The following DTHD1 variants were observed in gnomAD, a reference collection of about 807,000 sequenced individuals.
DTHD1 encodes the protein death domain-containing protein 1.
Under a neutral mutation model 74.8 loss-of-function variants are expected in DTHD1, and 59 were observed. The ratio of observed to expected loss-of-function variants is 0.79; its 90% CI spans 0.64 to 0.98. The LOEUF is 0.98. Ranked by LOEUF, DTHD1 falls within the 50% of genes least tolerant of loss-of-function variation. The pLI is 0.00. For missense variants in DTHD1, 1,051 were observed against 1,065.4 expected, an observed-to-expected ratio of 0.99 and a Z score of 0.19; for synonymous variants, 365 against 371.1, an observed-to-expected ratio of 0.98 and a Z score of 0.19.
chr4:36,298,604 T>C (rs1157039464), intron 5 of DTHD1, among the ~76,000 whole-genome samples: 1 of 152,096 alleles, frequency 6.6e-6, no homozygotes, highest in Non-Finnish European at 1.5e-5. Context: ...CCATACCCCA[T>C]GTAATGAAAA....
At chr4:36,286,363 C>G (rs1209516702) in intron 2 of DTHD1, among the ~76,000 whole-genome samples, 1 of 152,184 alleles carries the variant, frequency 6.6e-6, no homozygotes, top group African/African-American at 2.4e-5. Flanking sequence ...CTTTGCAGCA[C>G]CCAAACCAAT....
In DTHD1 at chr4:36,347,050, C is replaced by A. The variant is rs567391645; in HGVS notation, c.*3226C>A. On this transcript the variant is annotated 3_prime_UTR_variant, in exon 10 of 10. Transcript: ENST00000639862. ...CCCTGATTGATACCTCTCTGCACAC[C>A]TTTCTTATGCTCCTAGCAACGTATA... 6.6e-6 allele frequency among the ~76,000 whole-genome samples: 1 copy of A among 152,222 alleles called. No individual in the cohort carries two copies. The highest frequency in any genetic ancestry group is 6.5e-5 in the Admixed American group (1 of 15,280).
At chr4:36,299,999 A>C (rs1756665833) in intron 5 of DTHD1, among the ~76,000 whole-genome samples, 1 of 151,988 alleles carries the variant, frequency 6.6e-6, no homozygotes, top group African/African-American at 2.4e-5. Flanking sequence ...CCCTTATTTA[A>C]ATCTCCCTAA....
intron 8 of DTHD1, among the ~76,000 whole-genome samples, chr4:36,327,182 G>A (rs976474459): frequency 8.5e-5 from 13 of 152,056 alleles, no homozygotes; most frequent in Non-Finnish European, 1.9e-4. Flanking sequence ...GGTCAGACTG[G>A]TCTCGAACTC....
chr4:36,296,184 T>A (rs1310898035), intron 5 of DTHD1, among the ~76,000 whole-genome samples: 8 of 152,104 alleles, frequency 5.3e-5, no homozygotes, highest in Admixed American at 5.2e-4. Flanking sequence ...TGGACCAAAA[T>A]CTTCAAAGTT....
rs542621611 is a variant in DTHD1 at position 36,341,441 on chromosome 4, G to T, written c.2399-2061G>T. 1.7e-3 allele frequency among the ~76,000 whole-genome samples: 265 copies of T among 152,240 alleles called. 1 individual carries two copies. The highest frequency in any genetic ancestry group is 5.6e-3 in the African/African-American group (233 of 41,550). On this transcript the variant is annotated intron_variant, in intron 9 of 9. Coordinates refer to ENST00000639862, the MANE Select transcript of DTHD1 (RefSeq NM_001170700.3). ...GGAGAACTCAAGTCAAATGGCTTTGGGTAAAGTAGGAGAAGCAGACATGGG... is the reference window on the plus strand; with the variant it reads ...GGAGAACTCAAGTCAAATGGCTTTGTGTAAAGTAGGAGAAGCAGACATGGG...
At chr4:36,290,302 C>A (rs1755987179) in intron 2 of DTHD1, 71 bp from the exon 3 acceptor site, 4 of 1,411,926 alleles carry the variant, frequency 2.8e-6, no homozygotes, top group Non-Finnish European at 3.8e-6. Flanking sequence ...AGAGTCTGTG[C>A]TTTTCTGCAT....
chr4:36,339,848 C>A (rs1759219581), intron 9 of DTHD1, among the ~76,000 whole-genome samples: 1 of 152,168 alleles, frequency 6.6e-6, no homozygotes, highest in East Asian at 1.9e-4. Context: ...TATTAAACTC[C>A]ACTAGGAATA....
chr4:36,332,431 A>G (rs929544502), intron 8 of DTHD1, among the ~76,000 whole-genome samples: 2 of 152,126 alleles, frequency 1.3e-5, no homozygotes, highest in South Asian at 2.1e-4. Context: ...TGTGCTTCCT[A>G]TGATGACCTG....
At chr4:36,338,526 G>T (rs575145192) in intron 8 of DTHD1, among the ~76,000 whole-genome samples, 1 of 151,132 alleles carries the variant, frequency 6.6e-6, no homozygotes, top group East Asian at 1.9e-4. Context: ...CACTGGCTAG[G>T]GATCTGAACC....
chr4:36,329,979 C>T (rs574049146), intron 8 of DTHD1, among the ~76,000 whole-genome samples: 9 of 152,018 alleles, frequency 5.9e-5, no homozygotes, highest in South Asian at 2.1e-4. Flanking sequence ...TCTTTTAAAA[C>T]GTATTTATGT....
rs551369442 is a variant in DTHD1 at position 36,347,303 on chromosome 4, T to A, written c.*3479T>A. 6.6e-6 allele frequency among the ~76,000 whole-genome samples: 1 copy of A among 152,298 alleles called. No individual in the cohort carries two copies. Among genetic ancestry groups the A allele is most frequent in the South Asian group, 2.1e-4 (1 of 4,832 alleles). On this transcript the variant is annotated 3_prime_UTR_variant, in exon 10 of 10. Transcript: ENST00000639862. Reference sequence around the variant, plus strand: ...TTATGTTTGACTTTTTATTCAACTTTATGTTGCTGAAATTCATCCATTTTG... The same window carrying A: ...TTATGTTTGACTTTTTATTCAACTTAATGTTGCTGAAATTCATCCATTTTG...
At chr4:36,285,974 G>A (rs1179713614) in intron 2 of DTHD1, among the ~76,000 whole-genome samples, 5 of 152,134 alleles carry the variant, frequency 3.3e-5, no homozygotes, top group African/African-American at 2.4e-5. Context: ...ATGTACTGAT[G>A]CTCTTTCAGG....
chr4:36,310,183 G>A (rs936335459), intron 7 of DTHD1, among the ~76,000 whole-genome samples: 1 of 152,082 alleles, frequency 6.6e-6, no homozygotes, highest in African/African-American at 2.4e-5. Flanking sequence ...TGATAAGTGT[G>A]TAGTGAATGA....
At chr4:36,329,459 G>A (rs1228634818) in intron 8 of DTHD1, among the ~76,000 whole-genome samples, 1 of 152,160 alleles carries the variant, frequency 6.6e-6, no homozygotes, top group African/African-American at 2.4e-5. Flanking sequence ...CCTTGAGCAG[G>A]ACAGCTCCAG....
chr4:36,336,435 A>C (rs1004331535), intron 8 of DTHD1, among the ~76,000 whole-genome samples: 3 of 152,242 alleles, frequency 2.0e-5, no homozygotes, highest in African/African-American at 7.2e-5. Context: ...TAATGCCTTC[A>C]AATGACCATT....
chr4:36,325,286 G>C (rs1758276592), intron 8 of DTHD1, among the ~76,000 whole-genome samples: 1 of 152,160 alleles, frequency 6.6e-6, no homozygotes, highest in South Asian at 2.1e-4. Context: ...CTCATCTACT[G>C]ATACTCTTGA....
chr4:36,288,075 T>C (rs1217669042), intron 2 of DTHD1, among the ~76,000 whole-genome samples: 2 of 152,098 alleles, frequency 1.3e-5, no homozygotes, highest in Non-Finnish European at 2.9e-5. Flanking sequence ...TCTAGAAAGG[T>C]TTTTCTGATG....
chr4:36,326,601 G>T (rs1435880793), intron 8 of DTHD1, among the ~76,000 whole-genome samples: 1 of 152,150 alleles, frequency 6.6e-6, no homozygotes, highest in Non-Finnish European at 1.5e-5. Context: ...TGAGAGCACT[G>T]CTCATTCAAT....
Sources: gnomAD v4.1 joint callset for allele counts (sites outside exome capture counted in the v4.1 genomes callset) on GRCh38, gnomAD v4.1.1 for gene constraint, MANE v1.5 for transcripts, NCBI Gene and HGNC (gene_info 2026-07-23, HGNC 2026-07-21) for gene names.